GPC3: variants seen among roughly 807,000 people sequenced by gnomAD.
GPC3 encodes glypican-3.
A neutral mutation model predicts 34.4 loss-of-function variants in GPC3; 3 were observed. The ratio of observed to expected loss-of-function variants is 0.09; its 90% CI spans 0.04 to 0.23. The LOEUF (loss-of-function observed/expected upper bound fraction) is 0.23, where lower values mean the gene tolerates loss of function less well. Among genes scored for constraint, GPC3 ranks in the 10% least tolerant of loss-of-function variants. The pLI is 1.00. For missense variants in GPC3, 351 were observed against 445.6 expected (o/e 0.79, Z 1.91); for synonymous variants, 177 against 174.0 (o/e 1.02, Z -0.13).
intron 6 of GPC3, among the ~76,000 whole-genome samples, chrX:133,656,740 A>G (rs764596834): frequency 9.0e-6 from 1 of 111,651 alleles, no homozygotes; most frequent in East Asian, 2.8e-4. Flanking sequence ...GCAGAACAGA[A>G]GAATTGGGTG....
At chrX:133,863,460 A>T (rs1241644986) in intron 2 of GPC3, among the ~76,000 whole-genome samples, 1 of 110,514 alleles carries the variant, frequency 9.0e-6, no homozygotes, top group Non-Finnish European at 1.9e-5. Context: ...TCACCTATTC[A>T]GAGATAGCCT....
At position 133,880,628 on chromosome X, in the gene GPC3, T is replaced by C. The variant is rs559111633; in HGVS notation, c.337+72422A>G. ...TAACAAGGAAAAAAATCATATAATG[T>C]GATCCACCACGGTAAAAGACTGGTT... On this transcript the variant is annotated intron_variant, in intron 2 of 7. Coordinates refer to ENST00000370818, the MANE Select transcript of GPC3 (RefSeq NM_004484.4). Among the ~76,000 whole-genome samples, 16 of 112,186 alleles carry C rather than the reference T, an allele frequency of 1.4e-4. No individual in the cohort carries two copies. In the South Asian group the frequency reaches 6.1e-3, roughly 42 times the overall value.
At chrX:133,945,912 C>T (rs920852484) in intron 2 of GPC3, among the ~76,000 whole-genome samples, 2 of 111,817 alleles carry the variant, frequency 1.8e-5, no homozygotes, top group African/African-American at 6.5e-5. Flanking sequence ...GAAGGTCCCC[C>T]AATTATATAA....
intron 6 of GPC3, among the ~76,000 whole-genome samples, chrX:133,650,468 C>A (rs1397055897): frequency 1.8e-5 from 2 of 109,675 alleles, no homozygotes; most frequent in Non-Finnish European, 1.9e-5. Context: ...CACACACACA[C>A]ACACACACAC....
At chrX:133,817,391 C>A (rs1331437053) in intron 2 of GPC3, among the ~76,000 whole-genome samples, 1 of 111,866 alleles carries the variant, frequency 8.9e-6, no homozygotes, top group African/African-American at 3.2e-5. Context: ...AGGGGTACAG[C>A]TTTTTTAGTT....
intron 7 of GPC3, among the ~76,000 whole-genome samples, chrX:133,560,215 C>T (rs937750254): frequency 3.1e-4 from 35 of 111,576 alleles, no homozygotes; most frequent in Middle Eastern, 4.6e-3. Context: ...ACCCTAAACC[C>T]TTTCAAACAC....
chrX:133,774,900 C>T (rs779912745), intron 2 of GPC3, among the ~76,000 whole-genome samples: 86 of 111,410 alleles, frequency 7.7e-4, no homozygotes, highest in Non-Finnish European at 1.5e-3. Flanking sequence ...AAGGCAGTTT[C>T]TTTCTTGGTA....
intron 3 of GPC3, among the ~76,000 whole-genome samples, chrX:133,738,110 T>C (rs778082331): frequency 2.7e-5 from 3 of 111,739 alleles, no homozygotes; most frequent in African/African-American, 9.8e-5. Context: ...ACCACAGGCA[T>C]GCACCAGAAC....
intron 5 of GPC3, among the ~76,000 whole-genome samples, chrX:133,685,063 A>T (rs2070985583): frequency 9.0e-6 from 1 of 111,185 alleles, no homozygotes; most frequent in Non-Finnish European, 1.9e-5. Flanking sequence ...TGATCCATGT[A>T]ACAAAAACCC....
chrX:133,860,829 C>T lies in GPC3; in HGVS notation c.337+92221G>A, dbSNP rs1172210144. ...TTTTAAAAAATTGATTGGCCAGGCACGGTGGCTCATGCCTGTAATCCTAGC... is the reference window on the plus strand; with the variant it reads ...TTTTAAAAAATTGATTGGCCAGGCATGGTGGCTCATGCCTGTAATCCTAGC... On this transcript the variant is annotated intron_variant, in intron 2 of 7. Transcript: ENST00000370818. Among the ~76,000 whole-genome samples the T allele has an allele frequency of 2.7e-5, 3 of 111,832 alleles. No individual in the cohort carries two copies. In the South Asian group the frequency reaches 1.1e-3, roughly 42 times the overall value.
chrX:133,915,962 T>C (rs191737073), intron 2 of GPC3, among the ~76,000 whole-genome samples: 426 of 109,824 alleles, frequency 3.9e-3, no homozygotes, highest in African/African-American at 0.013. Context: ...CTAGCCAACA[T>C]GGTAAAACCC....
At chrX:133,568,099 G>A (rs1306209748) in intron 7 of GPC3, among the ~76,000 whole-genome samples, 2 of 112,052 alleles carry the variant, frequency 1.8e-5, no homozygotes, top group Non-Finnish European at 3.8e-5. Flanking sequence ...TCAGAGAGCT[G>A]GAATGAAGCA....
intron 5 of GPC3, chrX:133,671,256 T>C (rs557850871): frequency 1.7e-5 from 18 of 1,043,399 alleles, no homozygotes; most frequent in African/African-American, 1.3e-4. Flanking sequence ...AAACATAGAC[T>C]TGCAAGACAT....
intron 2 of GPC3, among the ~76,000 whole-genome samples, chrX:133,882,438 A>G (rs2124583710): frequency 9.0e-6 from 1 of 111,590 alleles, no homozygotes; most frequent in African/African-American, 3.3e-5. Context: ...TTTAGAAATA[A>G]CCGTTTAGAT....
In GPC3 at chrX:133,855,346, T is replaced by G. The variant is rs1429330486; in HGVS notation, c.337+97704A>C. 3.6e-5 allele frequency among the ~76,000 whole-genome samples: 4 copies of G among 109,690 alleles called. No individual in the cohort carries two copies. In the East Asian group the frequency reaches 1.1e-3, roughly 31 times the overall value. ...CCCGACTAATTTTTTAAATTATTTTTTGTAGAGATGAGGTCTTACATGTTG... is the reference window on the plus strand; with the variant it reads ...CCCGACTAATTTTTTAAATTATTTTGTGTAGAGATGAGGTCTTACATGTTG... On this transcript the variant is annotated intron_variant, in intron 2 of 7. Coordinates refer to ENST00000370818, the MANE Select transcript of GPC3 (RefSeq NM_004484.4).
chrX:133,813,717 G>A (rs112138534), intron 2 of GPC3, among the ~76,000 whole-genome samples: 3 of 112,263 alleles, frequency 2.7e-5, no homozygotes, highest in Non-Finnish European at 3.8e-5. Context: ...AGTGGTGCAC[G>A]GAGCACCCAT....
intron 3 of GPC3, among the ~76,000 whole-genome samples, chrX:133,713,830 C>T (rs190380011): frequency 1.9e-3 from 213 of 111,836 alleles, no homozygotes; most frequent in African/African-American, 6.5e-3. Flanking sequence ...GACAGCTTCC[C>T]AATACCTGAA....
intron 2 of GPC3, among the ~76,000 whole-genome samples, chrX:133,878,262 T>C (rs756199707): frequency 9.0e-6 from 1 of 110,534 alleles, no homozygotes; most frequent in African/African-American, 3.3e-5. Flanking sequence ...ACTCTGTCTC[T>C]ACAAAAATAC....
At chrX:133,777,395 C>T (rs1569430586) in intron 2 of GPC3, among the ~76,000 whole-genome samples, 1 of 110,714 alleles carries the variant, frequency 9.0e-6, no homozygotes, top group East Asian at 2.9e-4. Flanking sequence ...TCATGGTGCC[C>T]ACCTCCTTTT....
Sources: gnomAD v4.1 joint callset for allele counts (sites outside exome capture counted in the v4.1 genomes callset) on GRCh38, gnomAD v4.1.1 for gene constraint, MANE v1.5 for transcripts, NCBI Gene and HGNC (gene_info 2026-07-23, HGNC 2026-07-21) for gene names.